Variants in ARHGAP24 observed in about 807,000 individuals in gnomAD.
The protein encoded by ARHGAP24 is Rho GTPase activating protein 24.
A neutral mutation model predicts 76.4 loss-of-function variants in ARHGAP24; 50 were observed. That is an observed-to-expected ratio of 0.65 (90% CI 0.52 to 0.83). ARHGAP24 has a LOEUF of 0.83. ARHGAP24 is among the 40% of genes least tolerant of loss of function. ARHGAP24 has a pLI of 0.00. For missense variants in ARHGAP24, 930 were observed against 914.2 expected, an observed-to-expected ratio of 1.02 and a Z score of -0.22; for synonymous variants, 345 against 323.3, an observed-to-expected ratio of 1.07 and a Z score of -0.72.
Position 85,974,930 on chromosome 4 carries a change from G to A in ARHGAP24, c.775G>A (p.Val259Ile). Reference sequence around the variant, plus strand: ...AAAGCAGGTGAAGAGTTTGCCAGTGGTAAATTACAACCTCCTCAAGTATAT... The same window carrying A: ...AAAGCAGGTGAAGAGTTTGCCAGTGATAAATTACAACCTCCTCAAGTATAT... ...LAKQVKSLPVVNYNLLKYICR... is the reference protein window; with the variant it reads ...LAKQVKSLPVINYNLLKYICR... Residue 259 changes from valine to isoleucine, a missense_variant, in exon 7 of 10, where the codon GTA becomes ATA. Physicochemically the swap from Val to Ile is conservative, Grantham distance 29 (BLOSUM62 3). Coordinates refer to ENST00000395184, the MANE Select transcript of ARHGAP24 (RefSeq NM_001025616.3). The A allele has an allele frequency of 1.2e-6, 2 of 1,613,900 alleles. No homozygotes were observed. The highest frequency in any genetic ancestry group is 1.7e-6 in the Non-Finnish European group (2 of 1,179,902).
At chr4:85,548,031 T>A (rs1403874285) in intron 1 of ARHGAP24, among the ~76,000 whole-genome samples, 1 of 151,970 alleles carries the variant, frequency 6.6e-6, no homozygotes, top group Non-Finnish European at 1.5e-5. Flanking sequence ...TGTTTTATTC[T>A]ATGTCTATAA....
chr4:85,899,563 G>A (rs923110110), intron 3 of ARHGAP24, among the ~76,000 whole-genome samples: 3 of 152,176 alleles, frequency 2.0e-5, no homozygotes, highest in Admixed American at 6.5e-5. Context: ...AATGAAGTGA[G>A]ATTGCAATGC....
intron 2 of ARHGAP24, among the ~76,000 whole-genome samples, chr4:85,619,071 T>C (rs1362626399): frequency 6.6e-6 from 1 of 152,134 alleles, no homozygotes; most frequent in Non-Finnish European, 1.5e-5. Context: ...TCCCCTATGT[T>C]TTCTTCTAGT....
At chr4:85,860,601 A>G (rs1418568685) in intron 3 of ARHGAP24, among the ~76,000 whole-genome samples, 1 of 152,102 alleles carries the variant, frequency 6.6e-6, no homozygotes, top group Non-Finnish European at 1.5e-5. Flanking sequence ...GGCATTAAAA[A>G]TAACTGAAAT....
intron 3 of ARHGAP24, among the ~76,000 whole-genome samples, chr4:85,755,636 G>GTTT (rs1342354389): frequency 1.0e-4 from 12 of 114,302 alleles, no homozygotes; most frequent in African/African-American, 2.9e-4. Flanking sequence ...GTTTTGTTTT[G>GTTT]TTTTGTTTTG....
chr4:85,591,483 G>A (rs1728106665), intron 2 of ARHGAP24, among the ~76,000 whole-genome samples: 1 of 152,128 alleles, frequency 6.6e-6, no homozygotes, highest in South Asian at 2.1e-4. Context: ...GAGTGAGTCT[G>A]GGAAACAAGA....
intron 1 of ARHGAP24, among the ~76,000 whole-genome samples, chr4:85,533,581 C>A (rs901035865): frequency 6.6e-6 from 1 of 152,052 alleles, no homozygotes; most frequent in Non-Finnish European, 1.5e-5. Flanking sequence ...ATTCTGCGTG[C>A]TTTATAGCAT....
intron 3 of ARHGAP24, among the ~76,000 whole-genome samples, chr4:85,819,882 T>C (rs1370019088): frequency 1.3e-5 from 2 of 149,552 alleles, no homozygotes; most frequent in African/African-American, 5.1e-5. Context: ...ATCGTGCCAT[T>C]GCACTCCATC....
At chr4:85,769,571 T>C (rs1727052887) in intron 3 of ARHGAP24, among the ~76,000 whole-genome samples, 1 of 152,184 alleles carries the variant, frequency 6.6e-6, no homozygotes, top group Admixed American at 6.5e-5. Context: ...TATTGATAGC[T>C]TGATATCTCG....
At chr4:85,790,297 C>A (rs1331482405) in intron 3 of ARHGAP24, among the ~76,000 whole-genome samples, 1 of 152,130 alleles carries the variant, frequency 6.6e-6, no homozygotes, top group African/African-American at 2.4e-5. Context: ...CTTTTTCACA[C>A]CATATCTTGA....
At position 85,966,362 on chromosome 4, in the gene ARHGAP24, T is replaced by C. The variant is rs555288729; in HGVS notation, c.600-5674T>C. On this transcript the variant is annotated intron_variant, in intron 5 of 9. Transcript: ENST00000395184. The stretch of plus-strand genomic sequence containing the variant: ...TGCCATCAGTAGCTTTAAACCAGGA[T>C]AATTCTACTGGGACAAGCACTAGTT... 2.6e-5 allele frequency among the ~76,000 whole-genome samples: 4 copies of C among 152,296 alleles called. No individual in the cohort carries two copies. In the East Asian group the frequency reaches 5.8e-4, roughly 22 times the overall value.
At chr4:85,654,026 A>G (rs1312107181) in intron 2 of ARHGAP24, among the ~76,000 whole-genome samples, 1 of 152,088 alleles carries the variant, frequency 6.6e-6, no homozygotes, top group Non-Finnish European at 1.5e-5. Context: ...TTGGTACTAG[A>G]GTATGTATTA....
intron 5 of ARHGAP24, among the ~76,000 whole-genome samples, chr4:85,944,367 C>G (rs893690310): frequency 1.3e-5 from 2 of 152,158 alleles, no homozygotes; most frequent in Non-Finnish European, 2.9e-5. Flanking sequence ...AGCCTACTGT[C>G]TACTTTTGAG....
intron 1 of ARHGAP24, among the ~76,000 whole-genome samples, chr4:85,503,207 C>G (rs372802392): frequency 3.3e-5 from 5 of 152,018 alleles, no homozygotes; most frequent in South Asian, 4.1e-4. Flanking sequence ...GCCAGGCTTT[C>G]GTATCAGGAT....
intron 2 of ARHGAP24, among the ~76,000 whole-genome samples, chr4:85,710,571 C>A (rs1724489869): frequency 6.6e-6 from 1 of 152,102 alleles, no homozygotes; most frequent in South Asian, 2.1e-4. Context: ...ATGCCTCTGA[C>A]AAAGGTCCAA....
chr4:85,751,670 A>G (rs1726270666), intron 3 of ARHGAP24, among the ~76,000 whole-genome samples: 1 of 152,202 alleles, frequency 6.6e-6, no homozygotes, highest in South Asian at 2.1e-4. Flanking sequence ...TAAACACTAC[A>G]AAAGCATGGT....
At position 85,961,899 on chromosome 4, in the gene ARHGAP24, G is replaced by A. The variant is rs902287632; in HGVS notation, c.600-10137G>A. ...CATAATCTAAAGTCTCTCCGATTAT[G>A]AGAAAAATTGTTGAATGTATTATGA... On this transcript the variant is annotated intron_variant, in intron 5 of 9. Coordinates refer to ENST00000395184, the MANE Select transcript of ARHGAP24 (RefSeq NM_001025616.3). Among the ~76,000 whole-genome samples, 4 of 152,006 alleles carry A rather than the reference G, an allele frequency of 2.6e-5. No individual in the cohort carries two copies. The East Asian group carries it at 7.7e-4, about 29-fold the overall frequency.
intron 2 of ARHGAP24, among the ~76,000 whole-genome samples, chr4:85,603,621 A>G (rs933684213): frequency 1.3e-5 from 2 of 152,234 alleles, no homozygotes; most frequent in Non-Finnish European, 2.9e-5. Flanking sequence ...CAAAATTGTC[A>G]TCAGTAGTAC....
chr4:85,997,363 AT>A (rs1430992375), intron 9 of ARHGAP24, among the ~76,000 whole-genome samples: 1 of 126,286 alleles, frequency 7.9e-6, no homozygotes, highest in African/African-American at 4.6e-5. Context: ...TAATAGATAG[AT>A]GATAGATATA....
Sources: gnomAD v4.1 joint callset for allele counts (sites outside exome capture counted in the v4.1 genomes callset) on GRCh38, gnomAD v4.1.1 for gene constraint, MANE v1.5 for transcripts, NCBI Gene and HGNC (gene_info 2026-07-23, HGNC 2026-07-21) for gene names.